Variants in OTUD7A observed in about 807,000 individuals in gnomAD.
The protein encoded by OTUD7A is OTU deubiquitinase 7A.
In OTUD7A, 12 loss-of-function variants were observed where a neutral mutation model predicts 65.7. That is an observed-to-expected ratio of 0.18 (90% confidence interval 0.12 to 0.30). The LOEUF is 0.30. OTUD7A is among the 10% of genes least tolerant of loss of function. The pLI is 1.00. For missense variants in OTUD7A, 1,148 were observed against 1,304.8 expected (o/e 0.88, Z 1.85); for synonymous variants, 641 against 586.3 (o/e 1.09, Z -1.35).
chr15:31,793,122 A>C (rs1240166421), intron 1 of OTUD7A, among the ~76,000 whole-genome samples: 3 of 152,126 alleles, frequency 2.0e-5, no homozygotes, highest in Non-Finnish European at 1.5e-5. Context: ...TTCTGCCTCC[A>C]GCTTCCCAAC....
At chr15:31,823,111 A>T (rs745919171) in intron 1 of OTUD7A, among the ~76,000 whole-genome samples, 2 of 152,202 alleles carry the variant, frequency 1.3e-5, no homozygotes, top group Non-Finnish European at 2.9e-5. Context: ...AAGACAAAAA[A>T]TACCATACAC....
chr15:31,487,574 A>G lies in OTUD7A; in HGVS notation c.1172-8T>C. The G allele has an allele frequency of 6.2e-7, 1 of 1,610,712 alleles. No individual in the cohort carries two copies. Among genetic ancestry groups the G allele is most frequent in the Non-Finnish European group, 8.5e-7 (1 of 1,178,400 alleles). ...CCGTCAGGGGGATCACGGCTGGAAC[A>G]GAAGAGACAGAGCCGTGCTTGGAGC... On this transcript the variant is annotated splice_polypyrimidine_tract_variant and splice_region_variant and intron_variant, in intron 10 of 12. Transcript: ENST00000307050. This position sits in a 1 kb window ranked among gnomAD's most constrained non-coding sequence, Gnocchi z 6.0.
intron 8 of OTUD7A, among the ~76,000 whole-genome samples, chr15:31,511,758 TG>T (rs1435776531): frequency 1.3e-5 from 2 of 150,286 alleles, no homozygotes; most frequent in Non-Finnish European, 3.0e-5. Flanking sequence ...TATATCTATA[TG>T]TAACATACAT....
At chr15:31,554,431 C>T (rs551594839) in intron 5 of OTUD7A, among the ~76,000 whole-genome samples, 4 of 152,202 alleles carry the variant, frequency 2.6e-5, no homozygotes, top group South Asian at 2.1e-4. Context: ...AGGCTCCAGC[C>T]GGCCAAGTGA....
Position 31,511,198 on chromosome 15 carries a change from G to A in OTUD7A, c.894-7380C>T, listed in dbSNP as rs552939261. Among the ~76,000 whole-genome samples, 14 of 3,690 alleles carry A rather than the reference G, an allele frequency of 3.8e-3. 6 individuals are homozygous for A. Among genetic ancestry groups the A allele is most frequent in the South Asian group, 0.011 (2 of 184 alleles). The allele number at this position is 3,690 out of a possible 152,430, so 2.4% of individuals were successfully genotyped here. A position where few individuals can be genotyped will look rare whatever the true frequency, so the allele number is the denominator to read the frequency against. On this transcript the variant is annotated intron_variant, in intron 8 of 12. Coordinates refer to ENST00000307050, the MANE Select transcript of OTUD7A (RefSeq NM_001382637.1). ...GTATATCTATATGTAACACACATAT[G>A]TATATCTATATGTAACACACATACA... is the stretch of plus-strand genomic sequence containing the variant.
intron 4 of OTUD7A, among the ~76,000 whole-genome samples, chr15:31,566,926 C>A (rs1888894930): frequency 6.6e-6 from 1 of 152,204 alleles, no homozygotes; most frequent in Non-Finnish European, 1.5e-5. Flanking sequence ...ATAAAGCCTG[C>A]AGAACCATGA....
At chr15:31,827,646 G>A (rs1896830317) in intron 1 of OTUD7A, among the ~76,000 whole-genome samples, 1 of 152,116 alleles carries the variant, frequency 6.6e-6, no homozygotes, top group Non-Finnish European at 1.5e-5. Context: ...AGAAAATCAG[G>A]CCAGGTATGA....
intron 1 of OTUD7A, among the ~76,000 whole-genome samples, chr15:31,848,316 G>A (rs959583968): frequency 1.1e-4 from 16 of 152,170 alleles, no homozygotes; most frequent in Non-Finnish European, 1.8e-4. Flanking sequence ...CAGGGGTAAG[G>A]CAGCCATGAC....
intron 1 of OTUD7A, among the ~76,000 whole-genome samples, chr15:31,793,642 TGGAAGG>T (rs1231961195): frequency 2.7e-4 from 41 of 152,372 alleles, no homozygotes; most frequent in African/African-American, 9.6e-4. Flanking sequence ...GAGCCACCAG[TGGAAGG>T]CTTAATGGAA....
chr15:31,814,403 T>C (rs887090994), intron 1 of OTUD7A, among the ~76,000 whole-genome samples: 3 of 152,216 alleles, frequency 2.0e-5, no homozygotes, highest in African/African-American at 7.2e-5. Flanking sequence ...GCACTGATGA[T>C]GACCATGGAG....
chr15:31,861,582 A>G (rs1897743120), intron 1 of OTUD7A, among the ~76,000 whole-genome samples: 2 of 152,182 alleles, frequency 1.3e-5, no homozygotes. Flanking sequence ...GCCGTGTCTG[A>G]GAACCCAGAG....
intron 8 of OTUD7A, among the ~76,000 whole-genome samples, chr15:31,524,041 T>C (rs2041974675): frequency 6.6e-6 from 1 of 152,154 alleles, no homozygotes; most frequent in South Asian, 2.1e-4. Context: ...TGACTGGCCA[T>C]GCAAAGGTTC....
intron 1 of OTUD7A, among the ~76,000 whole-genome samples, chr15:31,836,126 C>G (rs1230973772): frequency 6.6e-6 from 1 of 152,100 alleles, no homozygotes; most frequent in African/African-American, 2.4e-5. Context: ...GATAACACCA[C>G]CGAGAAACCA....
intron 1 of OTUD7A, among the ~76,000 whole-genome samples, chr15:31,827,401 G>C (rs1341217285): frequency 6.6e-6 from 1 of 152,172 alleles, no homozygotes; most frequent in Non-Finnish European, 1.5e-5. Context: ...AACAGTATGA[G>C]GGAAACCACC....
At chr15:31,711,881 C>A (rs1893455738) in intron 1 of OTUD7A, among the ~76,000 whole-genome samples, 1 of 151,976 alleles carries the variant, frequency 6.6e-6, no homozygotes, top group Non-Finnish European at 1.5e-5. Flanking sequence ...GGCCACTTAC[C>A]AGGACAATGG....
chr15:31,526,788 T>G (rs1450262079), intron 7 of OTUD7A, among the ~76,000 whole-genome samples: 1 of 152,158 alleles, frequency 6.6e-6, no homozygotes, highest in East Asian at 1.9e-4. Context: ...AAGGTCCTCA[T>G]GTTTACCATG....
At chr15:31,496,133 G>A (rs1019254180) in intron 10 of OTUD7A, among the ~76,000 whole-genome samples, 12 of 149,086 alleles carry the variant, frequency 8.0e-5, no homozygotes, top group East Asian at 5.8e-4. Context: ...GATTCTTACC[G>A]TAATGTCTTG....
Position 31,483,485 on chromosome 15 carries a change from A to G in OTUD7A, c.2611T>C (p.Phe871Leu). ...GCGGTCGGCGCGTCGGCGTCGGCGAACTCCAGGCCGTCGCGCAGGGCGCCG... is the reference window on the plus strand; with the variant it reads ...GCGGTCGGCGCGTCGGCGTCGGCGAGCTCCAGGCCGTCGCGCAGGGCGCCG... Reference protein sequence around the residue: ...GFGALRDGLEFADADAPTARS... With the variant: ...GFGALRDGLELADADAPTARS... Residue 871 changes from phenylalanine to leucine, a missense_variant, in exon 13 of 13, where the codon TTC (phenylalanine) becomes CTC (leucine). Coordinates refer to ENST00000307050, the MANE Select transcript of OTUD7A (RefSeq NM_001382637.1). 1 of 1,394,254 alleles carries G rather than the reference A, an allele frequency of 7.2e-7. No homozygotes were observed. The highest frequency in any genetic ancestry group is 9.3e-7 in the Non-Finnish European group (1 of 1,073,264). The allele number at this position is 1,394,254 out of a possible 1,614,324, so 86.4% of individuals were successfully genotyped here.
In OTUD7A at chr15:31,514,539, A is replaced by G. The variant is rs576667562; in HGVS notation, c.894-10721T>C. On this transcript the variant is annotated intron_variant, in intron 8 of 12. Coordinates refer to ENST00000307050, the MANE Select transcript of OTUD7A (RefSeq NM_001382637.1). ...GAGTTCACTGATACCTCCAATTCCA[A>G]TCCAACCCCACAAAGTTAATTCTAT... 5.9e-5 allele frequency among the ~76,000 whole-genome samples: 9 copies of G among 152,260 alleles called. No homozygotes were observed. In the East Asian group the frequency reaches 1.5e-3, roughly 26 times the overall value.
Sources: allele counts gnomAD v4.1 joint callset (sites outside exome capture counted in the v4.1 genomes callset), GRCh38; gene constraint gnomAD v4.1.1; non-coding constraint Gnocchi (gnomAD v3.1); transcripts MANE v1.5; gene names NCBI Gene and HGNC (gene_info 2026-07-23, HGNC 2026-07-21).